The following RGS6 variants were observed in gnomAD, a reference collection of about 807,000 sequenced individuals.
The protein encoded by RGS6 is regulator of G protein signaling 6.
RGS6 carries 30 observed loss-of-function variants against 78.5 expected under a neutral mutation model. The ratio of observed to expected loss-of-function variants is 0.38; its 90% CI spans 0.29 to 0.52. The LOEUF is 0.52. RGS6 is among the 20% of genes least tolerant of loss of function. The pLI is 0.85. For missense variants in RGS6, 495 were observed against 609.7 expected (o/e 0.81, Z 1.98); for synonymous variants, 206 against 206.0 (o/e 1.00, Z 0.00).
intron 2 of RGS6, among the ~76,000 whole-genome samples, chr14:71,971,821 C>T (rs529651856): frequency 2.6e-5 from 4 of 151,032 alleles, no homozygotes; most frequent in South Asian, 2.1e-4. Flanking sequence ...ATGGTGGACT[C>T]GGTTCTTCGT....
intron 2 of RGS6, among the ~76,000 whole-genome samples, chr14:72,216,074 C>T (rs1161453419): frequency 2.0e-5 from 3 of 152,206 alleles, no homozygotes; most frequent in Admixed American, 6.5e-5. Context: ...ATTGTCCACT[C>T]TATCATCTAA....
At chr14:71,995,166 A>C (rs2095143216) in intron 2 of RGS6, among the ~76,000 whole-genome samples, 1 of 152,130 alleles carries the variant, frequency 6.6e-6, no homozygotes. Flanking sequence ...AGCCCATCTA[A>C]ATTATGGTTA....
chr14:72,582,612 C>T, the RGS6 span, among the ~76,000 whole-genome samples: 1 of 152,158 alleles, frequency 6.6e-6, no homozygotes, highest in Non-Finnish European at 1.5e-5. Flanking sequence ...GTTTCCCTTA[C>T]AGTTTTGGCT....
At chr14:72,515,711 C>A (rs1344882046) in intron 14 of RGS6, 3 of 152,272 alleles carry the variant, frequency 2.0e-5, no homozygotes, top group African/African-American at 7.2e-5. Context: ...CTCCGGTCAT[C>A]TCTATATCCA....
intron 2 of RGS6, among the ~76,000 whole-genome samples, chr14:72,100,896 T>C (rs1326028463): frequency 6.6e-6 from 1 of 152,180 alleles, no homozygotes; most frequent in Non-Finnish European, 1.5e-5. Context: ...CAGTGACTCA[T>C]GCCTGTAATC....
At chr14:71,976,423 C>T (rs992777841) in intron 2 of RGS6, among the ~76,000 whole-genome samples, 1 of 136,476 alleles carries the variant, frequency 7.3e-6, no homozygotes, top group Admixed American at 7.7e-5. Flanking sequence ...CCCCCCACCC[C>T]ACAACAGTCC....
intron 2 of RGS6, among the ~76,000 whole-genome samples, chr14:72,158,347 C>T (rs1598551504): frequency 6.6e-6 from 1 of 152,142 alleles, no homozygotes; most frequent in Non-Finnish European, 1.5e-5. Context: ...TTAGGGCCCA[C>T]CCTAATGACT....
At chr14:72,058,785 C>A (rs1395984843) in intron 2 of RGS6, among the ~76,000 whole-genome samples, 1 of 152,154 alleles carries the variant, frequency 6.6e-6, no homozygotes, top group Non-Finnish European at 1.5e-5. Flanking sequence ...AGTTTCTTTA[C>A]CCATATTATG....
intron 2 of RGS6, among the ~76,000 whole-genome samples, chr14:72,168,526 A>G (rs1490966872): frequency 2.0e-5 from 3 of 152,244 alleles, no homozygotes; most frequent in Non-Finnish European, 2.9e-5. Flanking sequence ...AATACAAAAA[A>G]TAAAGGGCGT....
At chr14:72,089,271 C>T (rs1567181106) in intron 2 of RGS6, among the ~76,000 whole-genome samples, 1 of 152,222 alleles carries the variant, frequency 6.6e-6, no homozygotes. Flanking sequence ...AATTAAATCA[C>T]TGCCAATATG....
chr14:72,250,612 C>G (rs917428303), intron 2 of RGS6, among the ~76,000 whole-genome samples: 2 of 151,930 alleles, frequency 1.3e-5, no homozygotes, highest in African/African-American at 4.8e-5. Flanking sequence ...GGGTTTCAAT[C>G]TTGAATAAAC....
At chr14:72,076,461 C>T (rs1055731526) in intron 2 of RGS6, among the ~76,000 whole-genome samples, 6 of 152,036 alleles carry the variant, frequency 3.9e-5, no homozygotes, top group Non-Finnish European at 7.4e-5. Flanking sequence ...TCCTTTTGTT[C>T]GGGATTTATC....
chr14:72,421,633 G>C (rs962774929), intron 3 of RGS6: 7 of 152,236 alleles, frequency 4.6e-5, no homozygotes, highest in Non-Finnish European at 1.5e-5. Flanking sequence ...GGCCGTGGTA[G>C]AGGGGAGACA....
intron 3 of RGS6, among the ~76,000 whole-genome samples, chr14:72,434,141 G>A (rs927339870): frequency 6.6e-6 from 1 of 152,038 alleles, no homozygotes; most frequent in African/African-American, 2.4e-5. Flanking sequence ...TTTGAGATCA[G>A]CCTGGGCAAG....
the RGS6 span, among the ~76,000 whole-genome samples, chr14:72,580,548 G>A: frequency 6.6e-6 from 1 of 152,174 alleles, no homozygotes; most frequent in Non-Finnish European, 1.5e-5. Context: ...CAGTCACAGA[G>A]AAGCATGAGA....
rs1297959919 is a variant in RGS6 at position 72,564,948 on chromosome 14, C to T, written c.*2481C>T. 1 of 152,272 alleles carries T rather than the reference C, an allele frequency of 6.6e-6. No individual in the cohort carries two copies. Among genetic ancestry groups the T allele is most frequent in the Non-Finnish European group, 1.5e-5 (1 of 68,104 alleles). 9.4% of individuals were successfully genotyped at this position (152,272 alleles called of 1,614,324 possible). A position where few individuals can be genotyped will look rare whatever the true frequency, so the allele number is the denominator to read the frequency against. ...CACTCATGTTCCCCAGTAGATCAAG[C>T]CAGAAGCTTTGCAAGAAGGGAGTGG... On this transcript the variant is annotated 3_prime_UTR_variant, in exon 18 of 18. Coordinates refer to ENST00000553525, the MANE Select transcript of RGS6 (RefSeq NM_001204424.2).
chr14:72,185,968 C>T (rs1314947178), intron 2 of RGS6, among the ~76,000 whole-genome samples: 1 of 152,244 alleles, frequency 6.6e-6, no homozygotes, highest in Non-Finnish European at 1.5e-5. Context: ...TTTTTTCACA[C>T]ATCAACCACT....
At chr14:72,105,369 T>C (rs1404065151) in intron 2 of RGS6, among the ~76,000 whole-genome samples, 1 of 152,266 alleles carries the variant, frequency 6.6e-6, no homozygotes, top group Admixed American at 6.5e-5. Context: ...TCTTTTTCTA[T>C]GTTAATATTC....
At chr14:71,939,632 C>T (rs2090166258) in intron 1 of RGS6, among the ~76,000 whole-genome samples, 1 of 152,220 alleles carries the variant, frequency 6.6e-6, no homozygotes, top group African/African-American at 2.4e-5. Context: ...ATACCAAGTA[C>T]TAGGAGATGT....
Sources: allele counts gnomAD v4.1 joint callset (sites outside exome capture counted in the v4.1 genomes callset), GRCh38; gene constraint gnomAD v4.1.1; transcripts MANE v1.5; gene names NCBI Gene and HGNC (gene_info 2026-07-23, HGNC 2026-07-21).